The following PLOD2 variants were observed in gnomAD, a reference collection of about 807,000 sequenced individuals.
The protein encoded by PLOD2 is procollagen-lysine,2-oxoglutarate 5-dioxygenase 2.
Under a neutral mutation model 101.0 loss-of-function variants are expected in PLOD2, and 65 were observed. The observed-to-expected ratio is 0.64, with a 90% CI of 0.53 to 0.79. The LOEUF is 0.79. Ranked by LOEUF, PLOD2 falls within the 30% of genes least tolerant of loss-of-function variation. The pLI is 0.00. For synonymous variants in PLOD2, 314 were observed against 302.9 expected, an observed-to-expected ratio of 1.04 and a Z score of -0.38; for missense variants, 909 against 914.6, an observed-to-expected ratio of 0.99 and a Z score of 0.08.
intron 14 of PLOD2, 76 bp from the exon 15 acceptor site, chr3:146,076,971 G>C (rs1936368314): frequency 7.9e-7 from 1 of 1,271,940 alleles, no homozygotes; most frequent in African/African-American, 1.7e-5. Context: ...AAAATATATA[G>C]AAGATATTAA....
At chr3:146,077,095 CTAGTAGA>C in intron 14 of PLOD2, 200 bp from the exon 15 acceptor site, 1 of 1,260,256 alleles carries the variant, frequency 7.9e-7, no homozygotes, top group Non-Finnish European at 1.0e-6. Context: ...CCACACAAAA[CTAGTAGA>C]TAGCACTGAC....
intron 3 of PLOD2, among the ~76,000 whole-genome samples, chr3:146,114,881 C>T (rs993471277): frequency 1.3e-5 from 2 of 152,146 alleles, no homozygotes; most frequent in Non-Finnish European, 2.9e-5. Context: ...AACTGCGGAA[C>T]AGCACAGGCT....
In PLOD2 at chr3:146,073,297, A is replaced by G. The variant is rs1453668880; in HGVS notation, c.1733T>C (p.Ile578Thr). The change falls in exon 16 of 20, where the codon ATA becomes ACA. Residue 578 changes from isoleucine (I) to threonine (T), a missense_variant. Ile to Thr is a moderately conservative substitution (Grantham distance 89). Coordinates refer to ENST00000282903, the MANE Select transcript of PLOD2 (RefSeq NM_182943.3). ...ATCATTAATACAAACCTGTTCAACTATATTTTCAGTGAAAATCTTTGAATA... is the reference window on the plus strand; with the variant it reads ...ATCATTAATACAAACCTGTTCAACTGTATTTTCAGTGAAAATCTTTGAATA... Reference protein sequence around the residue: ...RDYSKIFTENIVEQPCPDVFW... With the variant: ...RDYSKIFTENTVEQPCPDVFW... The G allele has an allele frequency of 2.4e-6, 3 of 1,227,684 alleles. No individual in the cohort carries two copies. Among genetic ancestry groups the G allele is most frequent in the South Asian group, 1.3e-5 (1 of 75,112 alleles). 76.0% of individuals were successfully genotyped at this position (1,227,684 alleles called of 1,614,324 possible). A position where few individuals can be genotyped will look rare whatever the true frequency, so the allele number is the denominator to read the frequency against.
intron 7 of PLOD2, among the ~76,000 whole-genome samples, chr3:146,098,167 ATG>A (rs1937270351): frequency 1.3e-5 from 2 of 152,192 alleles, no homozygotes; most frequent in Non-Finnish European, 2.9e-5. Flanking sequence ...ATGCATACCT[ATG>A]TACAACAAAC....
At chr3:146,071,856 A>T (rs1374249726) in intron 17 of PLOD2, among the ~76,000 whole-genome samples, 1 of 151,510 alleles carries the variant, frequency 6.6e-6, no homozygotes, top group Admixed American at 6.6e-5. Context: ...CCTCACTTCT[A>T]TTTGTAACAC....
Position 146,108,649 on chromosome 3 carries a change from G to A in PLOD2, c.502+1636C>T, listed in dbSNP as rs140099610. On this transcript the variant is annotated intron_variant, in intron 4 of 19. Transcript: ENST00000282903. The stretch of plus-strand genomic sequence containing the variant: ...ACAGAAAGCATAAGGATGATGCTTC[G>A]ATGTCCTTTTATGATTACTTTCCCA... Among the ~76,000 whole-genome samples, 621 of 152,084 alleles carry A rather than the reference G, an allele frequency of 4.1e-3. 5 individuals are homozygous for A. The highest frequency in any genetic ancestry group is 0.014 in the African/African-American group (594 of 41,482).
chr3:146,110,503 A>G (rs1324177063), intron 3 of PLOD2, 55 bp from the exon 4 acceptor site: 22 of 1,421,172 alleles, frequency 1.5e-5, no homozygotes, highest in Non-Finnish European at 2.1e-5. Context: ...ATCTAGGCAC[A>G]TAAACCATGA....
intron 1 of PLOD2, among the ~76,000 whole-genome samples, chr3:146,159,367 T>C (rs1190141590): frequency 6.6e-6 from 1 of 152,188 alleles, no homozygotes; most frequent in Non-Finnish European, 1.5e-5. Flanking sequence ...TGACTATAAA[T>C]ATAAAGGCAG....
chr3:146,084,754 G>C (rs1178503218), intron 11 of PLOD2, among the ~76,000 whole-genome samples: 2 of 152,020 alleles, frequency 1.3e-5, no homozygotes, highest in South Asian at 2.1e-4. Context: ...TATGACTGTG[G>C]GATGATTTGT....
chr3:146,073,385 CT>C (rs1211735920), intron 15 of PLOD2, 33 bp from the exon 16 acceptor site: 7 of 766,972 alleles, frequency 9.1e-6, no homozygotes, highest in Middle Eastern at 2.8e-4. Context: ...AAACAAATAT[CT>C]TTATAAATAC....
intron 11 of PLOD2, among the ~76,000 whole-genome samples, chr3:146,082,793 G>A (rs1296684152): frequency 1.3e-5 from 2 of 152,078 alleles, no homozygotes; most frequent in Non-Finnish European, 2.9e-5. Flanking sequence ...TAATCAAGAG[G>A]CTGACACAGG....
rs137980614 is a variant in PLOD2, at chr3:146,136,610, T to C, written c.110-12381A>G. Reference sequence around the variant, plus strand: ...TGATGAGCCACATATACAACACTGGTCCCATAATATTACAATGGAGCTGAA... The same window carrying C: ...TGATGAGCCACATATACAACACTGGCCCCATAATATTACAATGGAGCTGAA... On this transcript the variant is annotated intron_variant, in intron 1 of 19. Transcript: ENST00000282903. Among the ~76,000 whole-genome samples the C allele has an allele frequency of 5.8e-3, 879 of 152,286 alleles. 3 individuals are homozygous for C. Among genetic ancestry groups the C allele is most frequent in the Admixed American group, 0.012 (183 of 15,288 alleles).
Position 146,086,912 on chromosome 3 carries a change from T to C in PLOD2, c.1006-4A>G, listed in dbSNP as rs761258563. 3.4e-6 allele frequency: 5 copies of C among 1,476,320 alleles called. No individual in the cohort carries two copies. 91.5% of individuals were successfully genotyped at this position (1,476,320 alleles called of 1,614,324 possible). ...TGTCCTTTTCATGATAAACTTCCTG[T>C]AACATATTTTAAAAATCAAAAATTA... On this transcript the variant is annotated splice_region_variant and splice_polypyrimidine_tract_variant and intron_variant, in intron 9 of 19. Coordinates refer to ENST00000282903, the MANE Select transcript of PLOD2 (RefSeq NM_182943.3).
chr3:146,118,651 T>C (rs2108085568), intron 3 of PLOD2, among the ~76,000 whole-genome samples: 1 of 152,166 alleles, frequency 6.6e-6, no homozygotes, highest in East Asian at 1.9e-4. Flanking sequence ...AACTAATAAC[T>C]CATGACAATT....
At chr3:146,073,411 T>C (rs1373113695) in intron 15 of PLOD2, 59 bp from the exon 16 acceptor site, 1 of 641,598 alleles carries the variant, frequency 1.6e-6, no homozygotes, top group African/African-American at 1.9e-5. Flanking sequence ...CTGAAAAGTA[T>C]AAAGCATATG....
At chr3:146,111,304 G>A (rs1937628208) in intron 3 of PLOD2, among the ~76,000 whole-genome samples, 1 of 151,964 alleles carries the variant, frequency 6.6e-6, no homozygotes, top group African/African-American at 2.4e-5. Context: ...ACCATCCCAG[G>A]TAGCTAACAG....
At chr3:146,085,926 G>A (rs1380182708) in intron 10 of PLOD2, 5 of 152,152 alleles carry the variant, frequency 3.3e-5, no homozygotes, top group African/African-American at 1.2e-4. Context: ...CACCATATTT[G>A]TTCGAAGCAA....
chr3:146,127,673 T>G (rs1177864019), intron 1 of PLOD2, among the ~76,000 whole-genome samples: 1 of 152,106 alleles, frequency 6.6e-6, no homozygotes, highest in African/African-American at 2.4e-5. Flanking sequence ...ATGACTTCTT[T>G]CCCTTTGAGT....
intron 1 of PLOD2, among the ~76,000 whole-genome samples, chr3:146,150,004 T>A (rs1336567828): frequency 6.6e-6 from 1 of 152,114 alleles, no homozygotes. Context: ...CTAGATATGC[T>A]CCATTCTAAA....
Sources: allele counts gnomAD v4.1 joint callset (sites outside exome capture counted in the v4.1 genomes callset), GRCh38; gene constraint gnomAD v4.1.1; transcripts MANE v1.5; gene names NCBI Gene and HGNC (gene_info 2026-07-23, HGNC 2026-07-21).